CCDC192: variants seen among roughly 807,000 people sequenced by gnomAD.
CCDC192 encodes coiled-coil domain-containing protein 192.
intron 5 of CCDC192, among the ~76,000 whole-genome samples, chr5:127,843,116 G>A (rs181567887): frequency 1.0e-4 from 13 of 130,394 alleles, no homozygotes; most frequent in African/African-American, 3.5e-4. Flanking sequence ...CTCACTGCAA[G>A]CTCTGCCTCC....
intron 4 of CCDC192, among the ~76,000 whole-genome samples, chr5:127,797,712 G>C (rs555914224): frequency 7.7e-6 from 1 of 129,898 alleles, no homozygotes; most frequent in Middle Eastern, 3.9e-3. Context: ...GGAATATATG[G>C]ATATGATTTC....
chr5:127,876,528 A>G (rs527333347), intron 6 of CCDC192, among the ~76,000 whole-genome samples: 56 of 152,304 alleles, frequency 3.7e-4, no homozygotes, highest in Non-Finnish European at 6.9e-4. Context: ...TGGGAGACTC[A>G]GGGCATTCCC....
intron 6 of CCDC192, among the ~76,000 whole-genome samples, chr5:127,913,236 A>G (rs1753426495): frequency 6.6e-6 from 1 of 152,232 alleles, no homozygotes; most frequent in East Asian, 1.9e-4. Flanking sequence ...CAGGAACACA[A>G]TAAGAAAAGG....
rs1561494138 is a variant in CCDC192, at chr5:127,797,760, TATATATATATA to T, written c.355-345_355-335del. Among the ~76,000 whole-genome samples the T allele has an allele frequency of 0.013, 338 of 25,500 alleles. 12 individuals carry two copies. The Middle Eastern group carries it at 0.29, about 22-fold the overall frequency. The allele number at this position is 25,500 out of a possible 152,430, so 16.7% of individuals were successfully genotyped here. On this transcript the variant is annotated intron_variant, in intron 4 of 6. Coordinates refer to ENST00000514853, the MANE Select transcript of CCDC192 (RefSeq NM_001317938.2). ...ATATATATATATATATATATATATATATATATATATATATATATTTATTTATTTATTTATTT... is the reference window on the plus strand; with the variant it reads ...ATATATATATATATATATATATATATTATATATTTATTTATTTATTTATTT...
At chr5:127,884,367 A>AAAAAAAAAAAAAAAAAAG (rs1752480698) in intron 6 of CCDC192, among the ~76,000 whole-genome samples, 1 of 147,150 alleles carries the variant, frequency 6.8e-6, no homozygotes, top group African/African-American at 2.5e-5. Flanking sequence ...AAAAAAAAAA[A>AAAAAAAAAAAAAAAAAAG]AAGAAGAGGG....
At chr5:127,914,025 G>A (rs1753448915) in intron 6 of CCDC192, among the ~76,000 whole-genome samples, 2 of 152,122 alleles carry the variant, frequency 1.3e-5, no homozygotes, top group Admixed American at 1.3e-4. Flanking sequence ...TAAAATAATG[G>A]GGAGAAAGGC....
chr5:127,926,257 T>G (rs1753859908), intron 6 of CCDC192, among the ~76,000 whole-genome samples: 1 of 152,242 alleles, frequency 6.6e-6, no homozygotes, highest in African/African-American at 2.4e-5. Flanking sequence ...GGTTGCAGTT[T>G]GTCCACAAGG....
At chr5:127,930,934 G>T (rs530972049) in intron 6 of CCDC192, among the ~76,000 whole-genome samples, 6 of 152,178 alleles carry the variant, frequency 3.9e-5, no homozygotes, top group Non-Finnish European at 5.9e-5. Context: ...CCGCACAAAC[G>T]ACCAACACCC....
chr5:127,703,336 G>C (rs1339390987), upstream of CCDC192: 6 of 397,752 alleles, frequency 1.5e-5, no homozygotes, highest in African/African-American at 6.2e-5. Context: ...CATTGTGGTA[G>C]CCTAGCAACA....
intron 5 of CCDC192, among the ~76,000 whole-genome samples, chr5:127,853,393 C>A (rs2127088892): frequency 6.6e-6 from 1 of 152,304 alleles, no homozygotes; most frequent in East Asian, 1.9e-4. Context: ...TGCTTCCTGA[C>A]TACATTTGCT....
chr5:127,900,373 G>A (rs889099840), intron 6 of CCDC192, among the ~76,000 whole-genome samples: 1 of 152,152 alleles, frequency 6.6e-6, no homozygotes, highest in African/African-American at 2.4e-5. Context: ...AGTCAGTAAG[G>A]CCAGTGCAGA....
intron 3 of CCDC192, among the ~76,000 whole-genome samples, chr5:127,763,854 G>A (rs76800445): frequency 0.01 from 1,532 of 151,804 alleles, 29 homozygotes; most frequent in African/African-American, 0.035. Context: ...TCCTCTTATC[G>A]CCTTACTCAT....
intron 5 of CCDC192, among the ~76,000 whole-genome samples, chr5:127,865,248 T>C (rs1751560596): frequency 6.6e-6 from 1 of 152,100 alleles, no homozygotes; most frequent in Non-Finnish European, 1.5e-5. Context: ...CTTCTCTAAA[T>C]AGGGGAGAAG....
chr5:127,767,262 T>C lies in CCDC192; in HGVS notation c.222+12887T>C, dbSNP rs188656123. Among the ~76,000 whole-genome samples, 137 of 152,178 alleles carry C rather than the reference T, an allele frequency of 9.0e-4. 3 individuals carry two copies. Among genetic ancestry groups the C allele is most frequent in the African/African-American group, 3.3e-3 (136 of 41,516 alleles). ...TAGGATCTAGGATTCCACACAAGGG[T>C]TTCTGGTGGGACGAGAAAGGGCATT... On this transcript the variant is annotated intron_variant, in intron 3 of 6. Transcript: ENST00000514853.
At chr5:127,785,340 TC>T in intron 3 of CCDC192, 1 of 448,414 alleles carries the variant, frequency 2.2e-6, no homozygotes. Context: ...AATGCTGAAA[TC>T]CCAGTCTAGG....
intron 2 of CCDC192, among the ~76,000 whole-genome samples, chr5:127,719,568 C>CATATATATATAT (rs142203401): frequency 0.059 from 1,114 of 18,950 alleles, 63 homozygotes; most frequent in East Asian, 0.37. Flanking sequence ...TACACACATA[C>CATATATATATAT]ATATATATAT....
At chr5:127,760,993 AAG>A (rs1754890149) in intron 3 of CCDC192, among the ~76,000 whole-genome samples, 1 of 152,192 alleles carries the variant, frequency 6.6e-6, no homozygotes, top group Non-Finnish European at 1.5e-5. Flanking sequence ...AAGGAAATTC[AAG>A]AGGAGGCAAA....
At chr5:127,931,598 G>C (rs1035639380) in intron 6 of CCDC192, among the ~76,000 whole-genome samples, 2 of 152,130 alleles carry the variant, frequency 1.3e-5, no homozygotes, top group African/African-American at 4.8e-5. Context: ...CATAAATCTT[G>C]CAGGTCAGCA....
At chr5:127,715,043 C>T (rs185710840) in intron 2 of CCDC192, among the ~76,000 whole-genome samples, 44 of 151,974 alleles carry the variant, frequency 2.9e-4, no homozygotes, top group African/African-American at 1.0e-3. Context: ...CAGATGCATA[C>T]TTTGTGAATA....
Sources: gnomAD v4.1 joint callset for allele counts (sites outside exome capture counted in the v4.1 genomes callset) on GRCh38, gnomAD v4.1.1 for gene constraint, MANE v1.5 for transcripts, NCBI Gene and HGNC (gene_info 2026-07-23, HGNC 2026-07-21) for gene names.